The following BCL9 variants were observed in gnomAD, a reference collection of about 807,000 sequenced individuals.
BCL9 encodes the protein B-cell CLL/lymphoma 9 protein.
BCL9 carries 25 observed loss-of-function variants against 88.5 expected under a neutral mutation model. The observed-to-expected ratio is 0.28, with a 90% CI of 0.21 to 0.39. BCL9 has a LOEUF of 0.39. Ranked by LOEUF, BCL9 falls within the 10% of genes least tolerant of loss-of-function variation. The pLI is 1.00. For synonymous variants in BCL9, 711 were observed against 673.3 expected (o/e 1.06, Z -0.87); for missense variants, 1,817 against 1,877.8 (o/e 0.97, Z 0.60).
chr1:147,570,653 T>TTTTTTTG (rs1481643504), intron 1 of BCL9, among the ~76,000 whole-genome samples: 8 of 51,250 alleles, frequency 1.6e-4, no homozygotes, highest in Non-Finnish European at 2.1e-4. Flanking sequence ...TTTTTTTTTG[T>TTTTTTTG]AGATGGAGTT....
chr1:147,613,747 G>A (rs782528252), intron 5 of BCL9, among the ~76,000 whole-genome samples: 1 of 152,090 alleles, frequency 6.6e-6, no homozygotes, highest in Non-Finnish European at 1.5e-5. Context: ...GATGTGTAGA[G>A]ATTTGGCAGG....
intron 1 of BCL9, among the ~76,000 whole-genome samples, chr1:147,581,927 A>G (rs1656389124): frequency 6.6e-6 from 1 of 152,152 alleles, no homozygotes; most frequent in Non-Finnish European, 1.5e-5. Flanking sequence ...TTTAAACATA[A>G]TATTTATACA....
chr1:147,556,331 G>A (rs587725531), intron 1 of BCL9, among the ~76,000 whole-genome samples: 8 of 150,172 alleles, frequency 5.3e-5, no homozygotes, highest in Non-Finnish European at 8.9e-5. Flanking sequence ...TCACTATGTT[G>A]GCTAGGCTGG....
chr1:147,614,801 A>C (rs1355088919), intron 6 of BCL9, among the ~76,000 whole-genome samples, 185 bp downstream of exon 6: 1 of 152,050 alleles, frequency 6.6e-6, no homozygotes. Context: ...TCCCTTTCAG[A>C]AATTTTTCGT....
Position 147,601,238 on chromosome 1 carries a change from A to G in BCL9, c.-477-3539A>G, listed in dbSNP as rs1004270632. Among the ~76,000 whole-genome samples the G allele has an allele frequency of 3.3e-5, 5 of 152,338 alleles. No individual in the cohort carries two copies. In the East Asian group the frequency reaches 5.8e-4, roughly 18 times the overall value. On this transcript the variant is annotated intron_variant, in intron 1 of 9. Coordinates refer to ENST00000234739, the MANE Select transcript of BCL9 (RefSeq NM_004326.4). ...AGCTGGGGACTAATAAAGTTACTAG[A>G]TAAGTTAGAGAAATGGACATAACTA...
At position 147,624,605 on chromosome 1, in the gene BCL9, C is replaced by G; in HGVS notation, c.3927C>G (p.Ser1309=). The G allele has an allele frequency of 6.2e-7, 1 of 1,614,196 alleles. No homozygotes were observed. The highest frequency in any genetic ancestry group is 8.5e-7 in the Non-Finnish European group (1 of 1,180,032). The change falls in exon 10 of 10, where the codon TCC becomes TCG. Residue 1309 remains serine, a synonymous_variant. Coordinates refer to ENST00000234739, the MANE Select transcript of BCL9 (RefSeq NM_004326.4). The surrounding 1 kb of genome is among the most constrained non-coding windows in gnomAD (Gnocchi z 4.4). ...ACATCCCTCTTGGTACAGCTCCATC[C>G]ATGCCAGGCCACAACCCCATGAGAC... ...TPDIPLGTAP[S]MPGHNPMRPP...
chr1:147,602,404 G>T (rs1350235644), intron 1 of BCL9, among the ~76,000 whole-genome samples: 2 of 151,850 alleles, frequency 1.3e-5, no homozygotes, highest in African/African-American at 2.4e-5. Flanking sequence ...TAGAGACAGG[G>T]TTTCACCATG....
chr1:147,615,872 C>A lies in BCL9; in HGVS notation c.630C>A (p.Asn210Lys). The stretch of plus-strand genomic sequence containing the variant: ...CTTTCCACATCCAGAACATTTCTAA[C>A]AACAAGACAGAGAGAAGCACAGCGC... ...IVSFHIQNIS[N>K]NKTERSTAPL... The change falls in exon 7 of 10, where the codon AAC becomes AAA. Residue 210 changes from asparagine (N) to lysine (K), a missense_variant. Around this residue, in one of 2 missense-constraint regions of BCL9, gnomAD observed 1,228 missense variants for 1,191.6 expected, o/e 1.03. Coordinates refer to ENST00000234739, the MANE Select transcript of BCL9 (RefSeq NM_004326.4). The A allele has an allele frequency of 6.2e-7, 1 of 1,614,060 alleles. No individual in the cohort carries two copies. Among genetic ancestry groups the A allele is most frequent in the Non-Finnish European group, 8.5e-7 (1 of 1,179,946 alleles).
At chr1:147,585,561 C>A (rs1188701570) in intron 1 of BCL9, among the ~76,000 whole-genome samples, 2 of 152,062 alleles carry the variant, frequency 1.3e-5, no homozygotes, top group Non-Finnish European at 2.9e-5. Context: ...ATTCTGAGAC[C>A]CTCTGATGAG....
intron 1 of BCL9, among the ~76,000 whole-genome samples, chr1:147,581,105 A>G (rs1656349136): frequency 6.6e-6 from 1 of 152,134 alleles, no homozygotes; most frequent in Non-Finnish European, 1.5e-5. Context: ...TCTAATTACC[A>G]ATGTGACCCT....
Position 147,613,099 on chromosome 1 carries a change from A to C in BCL9, c.270A>C (p.Gly90=). Residue 90 remains glycine (G), a synonymous_variant, in exon 5 of 10, where the codon GGA becomes GGC. Coordinates refer to ENST00000234739, the MANE Select transcript of BCL9 (RefSeq NM_004326.4). ...GCATGGGGCTGAAGAATGGGGCTGG[A>C]AATGGTGCCAAGGGCAAGGGGAAAA... ...GGSMGLKNGA[G]NGAKGKGKRE... 6.2e-7 allele frequency: 1 copy of C among 1,614,160 alleles called. No individual in the cohort carries two copies. The highest frequency in any genetic ancestry group is 8.5e-7 in the Non-Finnish European group (1 of 1,180,024).
intron 7 of BCL9, 126 bp downstream of exon 7, chr1:147,616,028 C>T: frequency 1.1e-6 from 1 of 904,590 alleles, no homozygotes; most frequent in Non-Finnish European, 1.7e-6. Context: ...TGGCATTTAA[C>T]CTAATTCTGG....
chr1:147,607,980 A>C (rs182755530), intron 3 of BCL9, among the ~76,000 whole-genome samples: 17 of 152,280 alleles, frequency 1.1e-4, no homozygotes, highest in Non-Finnish European at 2.4e-4. Context: ...GAGGAACTCT[A>C]AAGTTGAGAG....
chr1:147,593,486 C>G (rs974192267), intron 1 of BCL9, among the ~76,000 whole-genome samples: 1 of 152,088 alleles, frequency 6.6e-6, no homozygotes, highest in African/African-American at 2.4e-5. Flanking sequence ...CTCTTCTGTA[C>G]GCCCAAAACA....
intron 1 of BCL9, among the ~76,000 whole-genome samples, chr1:147,601,530 G>A (rs1411586711): frequency 6.6e-6 from 1 of 152,188 alleles, no homozygotes; most frequent in African/African-American, 2.4e-5. Flanking sequence ...AGGATAAATT[G>A]TAAAATCATT....
At chr1:147,599,326 G>A (rs1657215232) in intron 1 of BCL9, among the ~76,000 whole-genome samples, 1 of 152,228 alleles carries the variant, frequency 6.6e-6, no homozygotes. Flanking sequence ...AAAGCGGGGT[G>A]GAACTGCGTC....
Position 147,620,545 on chromosome 1 carries a change from TGC to T in BCL9, c.2392_2393del (p.Arg798GlufsTer13). The T allele has an allele frequency of 6.2e-7, 1 of 1,613,922 alleles. No homozygotes were observed. The highest frequency in any genetic ancestry group is 2.2e-5 in the East Asian group (1 of 44,868). On this transcript the variant is annotated frameshift_variant, in exon 8 of 10. Coordinates refer to ENST00000234739, the MANE Select transcript of BCL9 (RefSeq NM_004326.4). LOFTEE classifies it high-confidence loss of function. ...CAGGGTCCAGGCAGCAACAGTGGCT[TGC>T]GGAATCTCAGAGAACCAATTGGGCC...
intron 1 of BCL9, among the ~76,000 whole-genome samples, chr1:147,598,493 C>T (rs1657152617): frequency 6.6e-6 from 1 of 152,188 alleles, no homozygotes; most frequent in South Asian, 2.1e-4. Context: ...ATTTAGGGCT[C>T]TCTTGACCAT....
chr1:147,600,263 C>T (rs1191919956), intron 1 of BCL9: 3 of 157,018 alleles, frequency 1.9e-5, no homozygotes, highest in Non-Finnish European at 4.2e-5. Context: ...CCCCGCGGGG[C>T]TGAGAGCCGC....
Sources: allele counts gnomAD v4.1 joint callset (sites outside exome capture counted in the v4.1 genomes callset), GRCh38; gene constraint gnomAD v4.1.1; regional missense constraint gnomAD v4.1.1; non-coding constraint Gnocchi (gnomAD v3.1); transcripts MANE v1.5; gene names NCBI Gene and HGNC (gene_info 2026-07-23, HGNC 2026-07-21).